Variants in TRMT9B observed in about 807,000 individuals in gnomAD.
TRMT9B encodes the protein probable tRNA methyltransferase 9B.
A neutral mutation model predicts 11.5 loss-of-function variants in TRMT9B; 16 were observed. The observed-to-expected ratio is 1.39, with a 90% CI of 0.94 to 2.11. TRMT9B has a LOEUF of 2.11. TRMT9B is among the 30% of genes most tolerant of loss of function. The pLI is 0.00. For missense variants in TRMT9B, 941 were observed against 553.8 expected, an observed-to-expected ratio of 1.70 and a Z score of -7.02; for synonymous variants, 274 against 192.4, an observed-to-expected ratio of 1.42 and a Z score of -3.51.
intron 3 of TRMT9B, chr8:13,007,346 A>G (rs1357975738): frequency 1.3e-5 from 2 of 152,190 alleles, no homozygotes; most frequent in African/African-American, 4.8e-5. Flanking sequence ...GAACTGGTAA[A>G]CCACAGCTTA....
intron 1 of TRMT9B, among the ~76,000 whole-genome samples, chr8:12,979,845 A>G (rs1304510992): frequency 1.3e-5 from 2 of 152,154 alleles, no homozygotes; most frequent in Non-Finnish European, 2.9e-5. Context: ...CAGAGAAAAC[A>G]TTTTCTGGAA....
At chr8:13,010,494 A>G (rs1811390994) in intron 3 of TRMT9B, 1 of 984,194 alleles carries the variant, frequency 1.0e-6, no homozygotes, top group Non-Finnish European at 1.2e-6. Context: ...AGTTTGGATT[A>G]AAAAATATTT....
chr8:12,951,294 C>G (rs1181584514), intron 1 of TRMT9B: 3 of 152,440 alleles, frequency 2.0e-5, no homozygotes, highest in African/African-American at 7.2e-5. Flanking sequence ...ATGAACCGAC[C>G]CCGAGGGGGC....
intron 2 of TRMT9B, among the ~76,000 whole-genome samples, chr8:12,995,945 T>C (rs1470142121): frequency 2.0e-5 from 3 of 152,172 alleles, no homozygotes; most frequent in Non-Finnish European, 2.9e-5. Flanking sequence ...ATGAGGACAC[T>C]AGTTTGTCCA....
chr8:12,996,893 C>G (rs1808441357), intron 2 of TRMT9B, among the ~76,000 whole-genome samples: 1 of 152,084 alleles, frequency 6.6e-6, no homozygotes, highest in Non-Finnish European at 1.5e-5. Flanking sequence ...GCCTCTATCC[C>G]ACTTCTAATG....
chr8:12,958,243 C>T (rs1199075198), intron 1 of TRMT9B: 1 of 152,210 alleles, frequency 6.6e-6, no homozygotes, highest in Non-Finnish European at 1.5e-5. Context: ...AGTTCGGATA[C>T]ATGGCTTGCC....
chr8:12,992,074 C>G lies in TRMT9B; in HGVS notation c.-2+1043C>G, dbSNP rs80002287. Among the ~76,000 whole-genome samples, 182 of 152,310 alleles carry G rather than the reference C, an allele frequency of 1.2e-3. 6 individuals are homozygous for G. The East Asian group carries it at 0.032, about 27-fold the overall frequency. On this transcript the variant is annotated intron_variant, in intron 2 of 4. Transcript: ENST00000524591. The stretch of plus-strand genomic sequence containing the variant: ...GATTTATAACCAAAGAGTCAAGGAC[C>G]AGCTTGTACAGAGTAAAGTATTGTT...
chr8:12,946,763 C>A (rs1800286412), intron 1 of TRMT9B, among the ~76,000 whole-genome samples: 1 of 152,228 alleles, frequency 6.6e-6, no homozygotes, highest in South Asian at 2.1e-4. Flanking sequence ...TGAGACTTGG[C>A]AGGACTACTT....
At chr8:13,017,271 A>C (rs1220874737) in intron 4 of TRMT9B, among the ~76,000 whole-genome samples, 1 of 152,218 alleles carries the variant, frequency 6.6e-6, no homozygotes, top group African/African-American at 2.4e-5. Context: ...ACAAATGATG[A>C]AATATCAAGA....
intron 4 of TRMT9B, among the ~76,000 whole-genome samples, chr8:13,013,639 G>A (rs993362912): frequency 6.6e-6 from 1 of 152,120 alleles, no homozygotes; most frequent in Admixed American, 6.5e-5. Flanking sequence ...CAAATTACTT[G>A]TCCCAATACA....
intron 2 of TRMT9B, among the ~76,000 whole-genome samples, chr8:12,993,270 A>G (rs1049368199): frequency 2.0e-5 from 3 of 152,212 alleles, no homozygotes; most frequent in Non-Finnish European, 4.4e-5. Context: ...ATATTATCCA[A>G]TGAGGTTGTA....
intron 2 of TRMT9B, among the ~76,000 whole-genome samples, chr8:12,992,685 C>G (rs1214302679): frequency 3.3e-5 from 5 of 151,438 alleles, no homozygotes; most frequent in East Asian, 3.9e-4. Flanking sequence ...AAACCCATCT[C>G]TACTAAAATA....
intron 2 of TRMT9B, among the ~76,000 whole-genome samples, chr8:12,996,627 A>T (rs1040800481): frequency 2.0e-5 from 3 of 152,232 alleles, no homozygotes; most frequent in Non-Finnish European, 4.4e-5. Flanking sequence ...ATGAGAGAGG[A>T]TACTCTGCTC....
At chr8:12,980,568 G>T (rs982340405) in intron 1 of TRMT9B, among the ~76,000 whole-genome samples, 1 of 152,094 alleles carries the variant, frequency 6.6e-6, no homozygotes, top group Non-Finnish European at 1.5e-5. Flanking sequence ...ACACTACAGA[G>T]TTGAGTAGAA....
chr8:13,013,771 G>A lies in TRMT9B; in HGVS notation c.328+914G>A, dbSNP rs561092435. ...ATCGAGACCAGCCTGGCCAACATGT[G>A]AAACCCCATCTCTACTAAAAATACA... On this transcript the variant is annotated intron_variant, in intron 4 of 4. Transcript: ENST00000524591. Among the ~76,000 whole-genome samples, 7 of 152,124 alleles carry A rather than the reference G, an allele frequency of 4.6e-5. No individual in the cohort carries two copies. In the South Asian group the frequency reaches 1.5e-3, roughly 32 times the overall value.
intron 1 of TRMT9B, among the ~76,000 whole-genome samples, chr8:12,986,370 G>A (rs1253903637): frequency 6.6e-6 from 1 of 152,092 alleles, no homozygotes; most frequent in Non-Finnish European, 1.5e-5. Flanking sequence ...ATTGAACATT[G>A]TAAAAATACC....
chr8:12,984,390 C>G (rs1805916469), intron 1 of TRMT9B, among the ~76,000 whole-genome samples: 1 of 152,188 alleles, frequency 6.6e-6, no homozygotes, highest in South Asian at 2.1e-4. Flanking sequence ...CGTCACGTTT[C>G]CCCTTAATTC....
chr8:13,024,174 G>T lies in TRMT9B; in HGVS notation c.*2130G>T, dbSNP rs1283267725. 1.3e-5 allele frequency: 2 copies of T among 151,658 alleles called. No homozygotes were observed. The highest frequency in any genetic ancestry group is 4.0e-4 in the East Asian group (2 of 4,992). The allele number at this position is 151,658 out of a possible 1,614,324, so 9.4% of individuals were successfully genotyped here. ...TCCTCCTGCCTCAGCCTCCCAAGTAGCTGGGACTACTGGCACCCACCACGA... is the reference window on the plus strand; with the variant it reads ...TCCTCCTGCCTCAGCCTCCCAAGTATCTGGGACTACTGGCACCCACCACGA... On this transcript the variant is annotated 3_prime_UTR_variant, in exon 5 of 5. Coordinates refer to ENST00000524591, the MANE Select transcript of TRMT9B (RefSeq NM_020844.3).
At chr8:13,003,821 C>G (rs553014368) in intron 2 of TRMT9B, among the ~76,000 whole-genome samples, 2 of 150,510 alleles carry the variant, frequency 1.3e-5, no homozygotes, top group African/African-American at 4.9e-5. Context: ...ACAAAAAAAG[C>G]ACCTACATAA....
Sources: gnomAD v4.1 joint callset for allele counts (sites outside exome capture counted in the v4.1 genomes callset) on GRCh38, gnomAD v4.1.1 for gene constraint, MANE v1.5 for transcripts, NCBI Gene and HGNC (gene_info 2026-07-23, HGNC 2026-07-21) for gene names.